HYOU1: variants seen among roughly 807,000 people sequenced by gnomAD.
The protein encoded by HYOU1 is hypoxia up-regulated protein 1.
A neutral mutation model predicts 120.5 loss-of-function variants in HYOU1; 40 were observed. That is an observed-to-expected ratio of 0.33 (90% CI 0.26 to 0.43). The LOEUF is 0.43. Ranked by LOEUF, HYOU1 falls within the 20% of genes least tolerant of loss-of-function variation. The probability of loss-of-function intolerance (pLI) is 1.00; values close to 1 mark genes in which losing one functional copy is unlikely to be tolerated. For missense variants in HYOU1, 1,085 were observed against 1,278.3 expected, an observed-to-expected ratio of 0.85 and a Z score of 2.31; for synonymous variants, 501 against 479.4, an observed-to-expected ratio of 1.05 and a Z score of -0.59.
At chr11:119,047,279 C>T in intron 22 of HYOU1, 1 of 200,660 alleles carries the variant, frequency 5.0e-6, no homozygotes, top group Non-Finnish European at 1.0e-5. Context: ...AATCTCTTGA[C>T]CTGGTGATTC....
Position 119,049,222 on chromosome 11 carries a change from G to T in HYOU1, c.1807-19C>A. 1 of 1,587,638 alleles carries T rather than the reference G, an allele frequency of 6.3e-7. No homozygotes were observed. The highest frequency in any genetic ancestry group is 8.6e-7 in the Non-Finnish European group (1 of 1,168,092). ...CTTCCTCCTGGGAAACACCACAGGC[G>T]CCCCAGGGAACGATCAGGAGCAGAG... is the stretch of plus-strand genomic sequence containing the variant. On this transcript the variant is annotated intron_variant, in intron 16 of 25. Transcript: ENST00000617285.
chr11:119,054,705 C>A, intron 6 of HYOU1, 30 bp from the exon 7 acceptor site: 1 of 1,597,766 alleles, frequency 6.3e-7, no homozygotes, highest in African/African-American at 1.3e-5. Flanking sequence ...AGGGTCCCGC[C>A]GGCTCCATAC....
At position 119,045,032 on chromosome 11, in the gene HYOU1, G is replaced by C; in HGVS notation, c.*561C>G. 2.3e-6 allele frequency: 1 copy of C among 430,162 alleles called. No individual in the cohort carries two copies. The highest frequency in any genetic ancestry group is 4.9e-6 in the Non-Finnish European group (1 of 205,500). The allele number at this position is 430,162 out of a possible 1,614,324, so 26.6% of individuals were successfully genotyped here. A position where few individuals can be genotyped will look rare whatever the true frequency, so the allele number is the denominator to read the frequency against. On this transcript the variant is annotated 3_prime_UTR_variant, in exon 26 of 26. Coordinates refer to ENST00000617285, the MANE Select transcript of HYOU1 (RefSeq NM_006389.5). The stretch of plus-strand genomic sequence containing the variant: ...TGCAGGAAGCCAAGGAAACCCAGGG[G>C]GAAAGGAGCTGGATGGGAATGGGGA...
At chr11:119,054,070 C>G (rs2133602312) in intron 8 of HYOU1, 51 bp downstream of exon 8, 14 of 1,173,658 alleles carry the variant, frequency 1.2e-5, no homozygotes, top group Admixed American at 3.5e-5. Flanking sequence ...AGAAGAAACC[C>G]CTGACTTGAG....
chr11:119,046,319 A>T (rs2133549174), intron 24 of HYOU1, 98 bp downstream of exon 24: 19 of 1,101,308 alleles, frequency 1.7e-5, no homozygotes, highest in Non-Finnish European at 2.6e-5. Context: ...AGGCCATTCA[A>T]GCTCATGGGC....
At position 119,044,953 on chromosome 11, in the gene HYOU1, G is replaced by T; in HGVS notation, c.*640C>A. The T allele has an allele frequency of 3.0e-6, 1 of 335,960 alleles. No homozygotes were observed. The highest frequency in any genetic ancestry group is 2.3e-5 in the South Asian group (1 of 44,082). The allele number at this position is 335,960 out of a possible 1,614,324, so 20.8% of individuals were successfully genotyped here. ...TGAGAATCCTTCCAGATTTACTTCCGCCAATCCAGAGGTACAGGCTTTTAG... is the reference window on the plus strand; with the variant it reads ...TGAGAATCCTTCCAGATTTACTTCCTCCAATCCAGAGGTACAGGCTTTTAG... On this transcript the variant is annotated 3_prime_UTR_variant, in exon 26 of 26. Coordinates refer to ENST00000617285, the MANE Select transcript of HYOU1 (RefSeq NM_006389.5).
chr11:119,051,092 G>A lies in HYOU1; in HGVS notation c.1608C>T (p.Ser536=). 1 of 1,614,190 alleles carries A rather than the reference G, an allele frequency of 6.2e-7. No homozygotes were observed. ...GGTTGAAGTGAGCCTTGATGCCCTT[G>A]GACTCGTAGTCAGGATACTTCTTGA... ...DSFKKYPDYE[S]KGIKAHFNLD... The change falls in exon 14 of 26, where the codon TCC becomes TCT. Residue 536 remains serine, a synonymous_variant. Coordinates refer to ENST00000617285, the MANE Select transcript of HYOU1 (RefSeq NM_006389.5). The surrounding 1 kb of genome is among the most constrained non-coding windows in gnomAD (Gnocchi z 4.2).
At position 119,054,428 on chromosome 11, in the gene HYOU1, G is replaced by A. The variant is rs1366485137; in HGVS notation, c.678+66C>T. The A allele has an allele frequency of 6.9e-5, 106 of 1,530,462 alleles. 1 individual carries two copies. The highest frequency in any genetic ancestry group is 2.3e-5 in the East Asian group (1 of 44,424). The allele number at this position is 1,530,462 out of a possible 1,614,324, so 94.8% of individuals were successfully genotyped here. A position where few individuals can be genotyped will look rare whatever the true frequency, so the allele number is the denominator to read the frequency against. On this transcript the variant is annotated intron_variant, in intron 7 of 25. Transcript: ENST00000617285. ...AGCCATGCAAACCAGATGCAAAAGG[G>A]ACCAAGTGGCCTCCATCCTTAGATT...
rs1003036541 is a variant in HYOU1, at chr11:119,055,055, A to G, written c.425T>C (p.Leu142Pro). The G allele has an allele frequency of 5.6e-6, 9 of 1,614,014 alleles. No homozygotes were observed. In the African/African-American group the frequency reaches 8.0e-5, roughly 14 times the overall value. Residue 142 changes from leucine (L) to proline (P), a missense_variant, in exon 6 of 26, where the codon CTG (leucine) becomes CCG (proline). Physicochemically the swap from Leu to Pro is moderately conservative, Grantham distance 98. Coordinates refer to ENST00000617285, the MANE Select transcript of HYOU1 (RefSeq NM_006389.5). This position sits in a 1 kb window ranked among gnomAD's most constrained non-coding sequence, Gnocchi z 4.0. ...CAACACTTCCTCAGGTGAGAACTGC[A>G]GCTGCCTGAGGGGAAGGAAGGTAGT... The part of the protein sequence containing the change: ...QTVHFQISSQ[L>P]QFSPEEVLGM...
chr11:119,049,256 C>T, intron 16 of HYOU1, 53 bp from the exon 17 acceptor site: 1 of 1,590,604 alleles, frequency 6.3e-7, no homozygotes, highest in Non-Finnish European at 8.5e-7. Context: ...AGCCTCCAGG[C>T]AGGCCTGGCT....
chr11:119,055,662 AGTCTGCTGTGG>A lies in HYOU1; in HGVS notation c.185+77_185+87del. 1 of 1,498,252 alleles carries A rather than the reference AGTCTGCTGTGG, an allele frequency of 6.7e-7. No homozygotes were observed. Among genetic ancestry groups the A allele is most frequent in the Non-Finnish European group, 9.3e-7 (1 of 1,074,502 alleles). The allele number at this position is 1,498,252 out of a possible 1,614,324, so 92.8% of individuals were successfully genotyped here. ...ACACATTTAACCACTCAGATGCCGA[AGTCTGCTGTGG>A]GCACTATGACTAACACATTCACACT... On this transcript the variant is annotated intron_variant, in intron 3 of 25. Transcript: ENST00000617285. The surrounding 1 kb of genome is among the most constrained non-coding windows in gnomAD (Gnocchi z 4.0).
rs1413328314 is a variant in HYOU1 at position 119,048,472 on chromosome 11, T to C, written c.2253+4A>G. ...GGGGGGGCTGCTGCCTCCTGCCCAC[T>C]GACCTGGGTCTCAAATATGAATGCT... On this transcript the variant is annotated splice_donor_region_variant and intron_variant, in intron 19 of 25. Transcript: ENST00000617285. The surrounding 1 kb of genome is among the most constrained non-coding windows in gnomAD (Gnocchi z 4.7). 6.2e-7 allele frequency: 1 copy of C among 1,613,936 alleles called. No homozygotes were observed. The highest frequency in any genetic ancestry group is 1.3e-5 in the African/African-American group (1 of 75,038).
In HYOU1 at chr11:119,052,322, C is replaced by G. The variant is rs2133591948; in HGVS notation, c.1095G>C (p.Gln365His). ...GACTCATTTCGGCACTCTGGAGGGC[C>G]TGCTGTACAGGCCCAGGCACCCGCT... ...LFERVPGPVQ[Q>H]ALQSAEMSLD... Residue 365 changes from glutamine to histidine, a missense_variant, in exon 10 of 26, where the codon CAG (glutamine) becomes CAC (histidine). Transcript: ENST00000617285. This position sits in a 1 kb window ranked among gnomAD's most constrained non-coding sequence, Gnocchi z 5.0. 1.2e-6 allele frequency: 2 copies of G among 1,614,220 alleles called. No individual in the cohort carries two copies. Among genetic ancestry groups the G allele is most frequent in the South Asian group, 2.2e-5 (2 of 91,084 alleles).
At chr11:119,053,901 C>T (rs1193056556) in intron 8 of HYOU1, 3 of 476,796 alleles carry the variant, frequency 6.3e-6, no homozygotes, top group South Asian at 3.4e-5. Flanking sequence ...CCTTAGAATA[C>T]ATTTTGAAAG....
At chr11:119,050,950 C>T (rs1036854771) in intron 14 of HYOU1, 85 bp downstream of exon 14, 16 of 1,518,092 alleles carry the variant, frequency 1.1e-5, no homozygotes, top group African/African-American at 5.5e-5. Flanking sequence ...GTTATCTTAT[C>T]CTAATGCCAT....
At position 119,055,242 on chromosome 11, in the gene HYOU1, G is replaced by A. The variant is rs1314274221; in HGVS notation, c.362C>T (p.Pro121Leu). Residue 121 changes from proline (P) to leucine (L), a missense_variant, in exon 5 of 26, where the codon CCG becomes CTG. Transcript: ENST00000617285. This position sits in a 1 kb window ranked among gnomAD's most constrained non-coding sequence, Gnocchi z 4.0. ...PHVALYQARF[P>L]EHELTFDPQR... The stretch of plus-strand genomic sequence containing the variant: ...TGGGTCGAAAGTCAGCTCGTGCTCC[G>A]GGAAGCGGGCCTGGTAAAGAGCTAC... 11 of 1,614,032 alleles carry A rather than the reference G, an allele frequency of 6.8e-6. No homozygotes were observed. The highest frequency in any genetic ancestry group is 4.5e-5 in the East Asian group (2 of 44,900).
rs1944017239 is a variant in HYOU1 at position 119,045,646 on chromosome 11, G to C, written c.2947C>G (p.Gln983Glu). The C allele has an allele frequency of 1.2e-6, 2 of 1,614,200 alleles. No homozygotes were observed. The highest frequency in any genetic ancestry group is 1.1e-5 in the South Asian group (1 of 91,088). Residue 983 changes from glutamine (Q) to glutamate (E), a missense_variant, in exon 26 of 26, where the codon CAG becomes GAG. Coordinates refer to ENST00000617285, the MANE Select transcript of HYOU1 (RefSeq NM_006389.5). ...TTCTGTCCTGTCGATTGTTCTTTCTGTTCAGGTTCTGTTGGGAGTTTGGGG... is the reference window on the plus strand; with the variant it reads ...TTCTGTCCTGTCGATTGTTCTTTCTCTTCAGGTTCTGTTGGGAGTTTGGGG... ...ELGGPGAEPE[Q>E]KEQSTGQKRP...
rs1943997751 is a variant in HYOU1, at chr11:119,045,351, T to G, written c.*242A>C. ...ATTTTTCCCAAATTTAGGGCCTATATGGGTAGGGAACAGGGAGTGGGGCTG... is the reference window on the plus strand; with the variant it reads ...ATTTTTCCCAAATTTAGGGCCTATAGGGGTAGGGAACAGGGAGTGGGGCTG... On this transcript the variant is annotated 3_prime_UTR_variant, in exon 26 of 26. Coordinates refer to ENST00000617285, the MANE Select transcript of HYOU1 (RefSeq NM_006389.5). The G allele has an allele frequency of 3.0e-6, 2 of 662,660 alleles. No individual in the cohort carries two copies. The highest frequency in any genetic ancestry group is 3.6e-5 in the African/African-American group (2 of 56,140). 41.0% of individuals were successfully genotyped at this position (662,660 alleles called of 1,614,324 possible).
chr11:119,056,375 A>G (rs1432277769), intron 1 of HYOU1: 6 of 657,076 alleles, frequency 9.1e-6, no homozygotes, highest in Non-Finnish European at 1.4e-5. Context: ...GCCCAAGTGA[A>G]AGAGCATGGG....
Sources: allele counts gnomAD v4.1 joint callset, GRCh38; gene constraint gnomAD v4.1.1; non-coding constraint Gnocchi (gnomAD v3.1); transcripts MANE v1.5; gene names NCBI Gene and HGNC (gene_info 2026-07-23, HGNC 2026-07-21).